Variants in SETBP1 observed in about 807,000 individuals in gnomAD.
SETBP1 encodes the protein SET binding protein 1.
In SETBP1, 9 loss-of-function variants were observed where a neutral mutation model predicts 101.0. The observed-to-expected ratio is 0.09, with a 90% CI of 0.05 to 0.16. SETBP1 has a LOEUF of 0.16. Among genes scored for constraint, SETBP1 ranks in the 10% least tolerant of loss-of-function variants. SETBP1 has a pLI of 1.00. For synonymous variants in SETBP1, 818 were observed against 788.5 expected, an observed-to-expected ratio of 1.04 and a Z score of -0.63; for missense variants, 1,858 against 2,033.8, an observed-to-expected ratio of 0.91 and a Z score of 1.66.
intron 4 of SETBP1, among the ~76,000 whole-genome samples, chr18:44,989,794 G>A (rs1456941847): frequency 9.3e-5 from 13 of 139,828 alleles, no homozygotes; most frequent in South Asian, 4.7e-4. Context: ...GCGTGAACCC[G>A]GGAGGCGGAG....
At chr18:44,767,346 G>A (rs888311961) in intron 2 of SETBP1, among the ~76,000 whole-genome samples, 9 of 152,140 alleles carry the variant, frequency 5.9e-5, no homozygotes, top group African/African-American at 2.2e-4. Context: ...ACACAATCCT[G>A]CAGCTATTAA....
Position 44,953,109 on chromosome 18 carries a change from G to T in SETBP1, c.3769G>T (p.Asp1257Tyr). 1 of 1,614,182 alleles carries T rather than the reference G, an allele frequency of 6.2e-7. No individual in the cohort carries two copies. The highest frequency in any genetic ancestry group is 8.5e-7 in the Non-Finnish European group (1 of 1,180,034). The part of the protein sequence containing the change: ...EKGDLSSEPV[D>Y]SCTKRYSGSG... ...AGGAGACTTGAGCAGTGAGCCTGTG[G>T]ACTCATGCACGAAAAGATACTCTGG... The change falls in exon 4 of 6, where the codon GAC becomes TAC. Residue 1257 changes from aspartate to tyrosine, a missense_variant. By Grantham distance (160) the Asp-to-Tyr change is radical. Coordinates refer to ENST00000649279, the MANE Select transcript of SETBP1 (RefSeq NM_015559.3).
chr18:44,835,878 T>C (rs1481520261), intron 2 of SETBP1, among the ~76,000 whole-genome samples: 2 of 152,194 alleles, frequency 1.3e-5, no homozygotes, highest in East Asian at 3.9e-4. Context: ...GGGCAAAAAC[T>C]CCTAGAGTAA....
chr18:44,959,526 C>T (rs1428880689), intron 4 of SETBP1, among the ~76,000 whole-genome samples: 2 of 152,116 alleles, frequency 1.3e-5, no homozygotes. Flanking sequence ...AGATGAGTAA[C>T]TCAATGTTTT....
chr18:44,874,530 G>A (rs368972822), intron 3 of SETBP1, among the ~76,000 whole-genome samples: 6 of 152,332 alleles, frequency 3.9e-5, no homozygotes, highest in East Asian at 1.9e-4. Flanking sequence ...GCTGAGGACC[G>A]TGGGGGTATC....
intron 2 of SETBP1, among the ~76,000 whole-genome samples, chr18:44,776,390 G>A (rs1349513462): frequency 6.6e-6 from 1 of 152,144 alleles, no homozygotes; most frequent in Admixed American, 6.5e-5. Context: ...AAAGGCCAAA[G>A]AAAATATGAT....
At chr18:44,946,653 A>G (rs1016805076) in intron 3 of SETBP1, among the ~76,000 whole-genome samples, 3 of 152,214 alleles carry the variant, frequency 2.0e-5, no homozygotes, top group Non-Finnish European at 4.4e-5. Flanking sequence ...GTGCAGCTGT[A>G]TATTTTGCCA....
At chr18:44,885,118 A>G (rs952385112) in intron 3 of SETBP1, among the ~76,000 whole-genome samples, 1 of 152,116 alleles carries the variant, frequency 6.6e-6, no homozygotes, top group Non-Finnish European at 1.5e-5. Context: ...GATTTTCATG[A>G]TATCAGAATG....
rs28756704 is a variant in SETBP1, at chr18:44,887,758, G to A, written c.540+18475G>A. On this transcript the variant is annotated intron_variant, in intron 3 of 5. Coordinates refer to ENST00000649279, the MANE Select transcript of SETBP1 (RefSeq NM_015559.3). ...GGCCACAGACAACAGAAAAAGGCAG[G>A]CAGAAAGTAGTGAGCAAGTGGCCAA... 3.0e-3 allele frequency among the ~76,000 whole-genome samples: 453 copies of A among 152,184 alleles called. 4 individuals carry two copies. Among genetic ancestry groups the A allele is most frequent in the African/African-American group, 0.011 (443 of 41,526 alleles).
At chr18:44,849,076 G>A (rs1028012469) in intron 2 of SETBP1, among the ~76,000 whole-genome samples, 2 of 152,154 alleles carry the variant, frequency 1.3e-5, no homozygotes, top group African/African-American at 4.8e-5. Context: ...CCTTGTAAAG[G>A]CTGTGGGGAT....
At chr18:44,911,310 T>C (rs1234420999) in intron 3 of SETBP1, among the ~76,000 whole-genome samples, 1 of 152,216 alleles carries the variant, frequency 6.6e-6, no homozygotes, top group Non-Finnish European at 1.5e-5. Flanking sequence ...ATTAGGTTGG[T>C]GCAAATGTAA....
intron 3 of SETBP1, among the ~76,000 whole-genome samples, chr18:44,880,476 C>T (rs747175284): frequency 3.9e-5 from 6 of 152,138 alleles, no homozygotes; most frequent in Non-Finnish European, 5.9e-5. Flanking sequence ...AAGTAAAGAA[C>T]ATGGGGTGAG....
At chr18:45,023,647 A>G (rs764905322) in intron 4 of SETBP1, among the ~76,000 whole-genome samples, 1 of 152,230 alleles carries the variant, frequency 6.6e-6, no homozygotes, top group Non-Finnish European at 1.5e-5. Flanking sequence ...AGGATGGCAG[A>G]GATCGAGCAA....
chr18:44,983,639 C>T (rs895059174), intron 4 of SETBP1, among the ~76,000 whole-genome samples: 1 of 152,170 alleles, frequency 6.6e-6, no homozygotes, highest in African/African-American at 2.4e-5. Flanking sequence ...TGCTGAGTAA[C>T]ACCAGAAATG....
chr18:44,909,947 C>A (rs538317731), intron 3 of SETBP1, among the ~76,000 whole-genome samples: 11 of 152,208 alleles, frequency 7.2e-5, no homozygotes, highest in Non-Finnish European at 1.5e-4. Context: ...AGAGCAGTGG[C>A]CTAATTTCAT....
intron 2 of SETBP1, among the ~76,000 whole-genome samples, chr18:44,868,709 AGG>A: frequency 2.0e-4 from 1 of 5,086 alleles, no homozygotes; most frequent in South Asian, 8.2e-3. Context: ...GACGGAAGGA[AGG>A]GAGGAAGGAA....
chr18:45,007,043 C>A (rs990864565), intron 4 of SETBP1, among the ~76,000 whole-genome samples: 2 of 152,126 alleles, frequency 1.3e-5, no homozygotes, highest in African/African-American at 4.8e-5. Context: ...TCAAAATATG[C>A]CCCACTTCCC....
chr18:44,693,562 C>T (rs1382894132), intron 1 of SETBP1, among the ~76,000 whole-genome samples: 1 of 152,020 alleles, frequency 6.6e-6, no homozygotes, highest in Non-Finnish European at 1.5e-5. Flanking sequence ...CATGCAAAGT[C>T]CCATGAAGTC....
chr18:44,871,252 T>C (rs891425248), intron 3 of SETBP1: 1 of 152,218 alleles, frequency 6.6e-6, no homozygotes, highest in Non-Finnish European at 1.5e-5. Flanking sequence ...AGCATCCTTT[T>C]GGGTGCTTTT....
Sources: gnomAD v4.1 joint callset for allele counts (sites outside exome capture counted in the v4.1 genomes callset) on GRCh38, gnomAD v4.1.1 for gene constraint, MANE v1.5 for transcripts, NCBI Gene and HGNC (gene_info 2026-07-23, HGNC 2026-07-21) for gene names.